BCR: variants seen among roughly 807,000 people sequenced by gnomAD.
The protein encoded by BCR is breakpoint cluster region protein.
In BCR, 58 loss-of-function variants were observed where a neutral mutation model predicts 138.6. The ratio of observed to expected loss-of-function variants is 0.42; its 90% CI spans 0.34 to 0.52. The LOEUF is 0.52. Ranked by LOEUF, BCR falls within the 20% of genes least tolerant of loss-of-function variation. The pLI is 0.06. For synonymous variants in BCR, 786 were observed against 730.1 expected, an observed-to-expected ratio of 1.08 and a Z score of -1.23; for missense variants, 1,599 against 1,727.2, an observed-to-expected ratio of 0.93 and a Z score of 1.32.
intron 1 of BCR, among the ~76,000 whole-genome samples, chr22:23,196,788 G>A (rs972382900): frequency 6.6e-6 from 1 of 152,144 alleles, no homozygotes; most frequent in African/African-American, 2.4e-5. Flanking sequence ...CTGACAGGAG[G>A]TAGAGCTTAG....
In BCR at chr22:23,313,178, G is replaced by A. The variant is rs138978965; in HGVS notation, c.3457+157G>A. Among the ~76,000 whole-genome samples, 364 of 152,304 alleles carry A rather than the reference G, an allele frequency of 2.4e-3. 1 individual carries two copies. Among genetic ancestry groups the A allele is most frequent in the African/African-American group, 7.9e-3 (328 of 41,566 alleles). ...CCTCAAAAAGCAGGGGACCAGAACC[G>A]AGCCTGTCCTGGAAGGCCTTGCCCA... is the stretch of plus-strand genomic sequence containing the variant. On this transcript the variant is annotated intron_variant, in intron 20 of 22. Transcript: ENST00000305877.
chr22:23,278,207 G>T (rs557360156), intron 8 of BCR, among the ~76,000 whole-genome samples: 7 of 152,360 alleles, frequency 4.6e-5, no homozygotes, highest in Admixed American at 1.3e-4. Flanking sequence ...GGACGATCCA[G>T]TTTGGATGTT....
At chr22:23,185,077 G>T (rs2072322237) in intron 1 of BCR, among the ~76,000 whole-genome samples, 1 of 152,178 alleles carries the variant, frequency 6.6e-6, no homozygotes, top group Non-Finnish European at 1.5e-5. Flanking sequence ...CCCTGGGCAC[G>T]GTGACAAAGT....
Position 23,181,721 on chromosome 22 carries a change from G to T in BCR, c.761G>T (p.Arg254Leu), listed in dbSNP as rs757620674. The change falls in exon 1 of 23, where the codon CGC (arginine) becomes CTC (leucine). Residue 254 changes from arginine to leucine, a missense_variant. This residue lies in a region of BCR where 806 missense variants were observed against 635.0 expected (regional missense o/e 1.27). Transcript: ENST00000305877. ...TACGAGGACGCCGAGTTGAACCCCC[G>T]CTTCCTGAAGGACAACCTGATCGAC... ...GDYEDAELNP[R>L]FLKDNLIDAN... The T allele has an allele frequency of 3.7e-6, 6 of 1,603,794 alleles. No individual in the cohort carries two copies. Among genetic ancestry groups the T allele is most frequent in the Non-Finnish European group, 4.2e-6 (5 of 1,179,952 alleles).
chr22:23,250,182 C>T (rs1020283076), intron 1 of BCR, among the ~76,000 whole-genome samples: 9 of 152,208 alleles, frequency 5.9e-5, no homozygotes, highest in East Asian at 1.9e-4. Context: ...AATCTGACCC[C>T]GAAGTTCTTG....
In BCR at chr22:23,260,508, G is replaced by T. The variant is rs746438225; in HGVS notation, c.1462-442G>T. Among the ~76,000 whole-genome samples, 6 of 152,150 alleles carry T rather than the reference G, an allele frequency of 3.9e-5. No individual in the cohort carries two copies. In the South Asian group the frequency reaches 6.2e-4, roughly 16 times the overall value. ...CAGTCAGAGAATCCAGGTGAGGCGG[G>T]CCCCAGGTGAGCAGTGGGGAGTGGA... is the stretch of plus-strand genomic sequence containing the variant. On this transcript the variant is annotated intron_variant, in intron 2 of 22. Transcript: ENST00000305877.
chr22:23,221,131 A>G (rs1169236171), intron 1 of BCR, among the ~76,000 whole-genome samples: 1 of 152,202 alleles, frequency 6.6e-6, no homozygotes, highest in East Asian at 1.9e-4. Flanking sequence ...GCAATACTTC[A>G]TTCTTCCTAG....
intron 1 of BCR, among the ~76,000 whole-genome samples, chr22:23,248,543 T>C (rs2073182407): frequency 6.6e-6 from 1 of 152,130 alleles, no homozygotes; most frequent in Non-Finnish European, 1.5e-5. Flanking sequence ...CTATATTATT[T>C]TTATTTTTTG....
chr22:23,191,458 A>G (rs1439046922), intron 1 of BCR, among the ~76,000 whole-genome samples: 1 of 152,126 alleles, frequency 6.6e-6, no homozygotes, highest in Non-Finnish European at 1.5e-5. Context: ...TTAAAACAAC[A>G]ACAAACAAAC....
intron 8 of BCR, among the ~76,000 whole-genome samples, chr22:23,279,890 G>GA (rs1161563474): frequency 5.9e-5 from 9 of 152,346 alleles, no homozygotes; most frequent in Middle Eastern, 3.4e-3. Context: ...GGAGGCTGGA[G>GA]ATCCGGCAGG....
intron 1 of BCR, among the ~76,000 whole-genome samples, chr22:23,190,538 T>C (rs2072400566): frequency 6.6e-6 from 1 of 152,220 alleles, no homozygotes; most frequent in Non-Finnish European, 1.5e-5. Context: ...CTGCTTTAAC[T>C]TAATCAGTTC....
At chr22:23,214,072 C>T (rs762570358) in intron 1 of BCR, among the ~76,000 whole-genome samples, 2 of 152,154 alleles carry the variant, frequency 1.3e-5, no homozygotes, top group Non-Finnish European at 2.9e-5. Flanking sequence ...AAGCACCTAG[C>T]GTGGCTGCTG....
intron 1 of BCR, among the ~76,000 whole-genome samples, chr22:23,216,408 A>G (rs182804573): frequency 5.4e-4 from 83 of 152,350 alleles, no homozygotes; most frequent in Admixed American, 1.1e-3. Context: ...CATTGTATTC[A>G]TAACAGTGGA....
chr22:23,201,984 A>G (rs1478401994), intron 1 of BCR, among the ~76,000 whole-genome samples: 3 of 152,222 alleles, frequency 2.0e-5, no homozygotes, highest in African/African-American at 7.2e-5. Flanking sequence ...TTATATAGTT[A>G]AGATGTTGCT....
chr22:23,307,025 C>T (rs1413727228), intron 16 of BCR, among the ~76,000 whole-genome samples: 7 of 152,174 alleles, frequency 4.6e-5, no homozygotes. Flanking sequence ...GGGAGAGGGG[C>T]CCAGTGATGG....
At chr22:23,209,516 G>A (rs78674950) in intron 1 of BCR, among the ~76,000 whole-genome samples, 10,315 of 151,954 alleles carry the variant, frequency 0.068, 1,174 homozygotes, top group African/African-American at 0.23. Flanking sequence ...TACAAATTTC[G>A]TGGCTTGTTT....
Position 23,309,441 on chromosome 22 carries a change from G to A in BCR, c.3030G>A (p.Leu1010=), listed in dbSNP as rs747140851. The A allele has an allele frequency of 2.2e-5, 35 of 1,603,694 alleles. No homozygotes were observed. The highest frequency in any genetic ancestry group is 2.6e-5 in the Non-Finnish European group (31 of 1,175,000). ...KGQVQLDPQA[L]QDRDWQRTVI... is the part of the protein sequence containing the mutation. ...CCTTTCAGCTGGACCCGCAGGCCCT[G>A]CAGGACAGAGACTGGCAGCGCACCG... The change falls in exon 17 of 23, where the codon CTG becomes CTA. Residue 1010 remains leucine (L), a synonymous_variant. Transcript: ENST00000305877.
chr22:23,226,993 G>C (rs763844102), intron 1 of BCR, among the ~76,000 whole-genome samples: 1 of 152,192 alleles, frequency 6.6e-6, no homozygotes, highest in African/African-American at 2.4e-5. Flanking sequence ...TGACCTGGAG[G>C]TGTCTGGAGC....
chr22:23,280,733 G>T (rs1035293851), intron 8 of BCR, among the ~76,000 whole-genome samples: 6 of 152,230 alleles, frequency 3.9e-5, no homozygotes, highest in African/African-American at 7.2e-5. Flanking sequence ...CTCCTGTGGG[G>T]ATGATGATTT....
Sources: allele counts gnomAD v4.1 joint callset (sites outside exome capture counted in the v4.1 genomes callset), GRCh38; gene constraint gnomAD v4.1.1; regional missense constraint gnomAD v4.1.1; transcripts MANE v1.5; gene names NCBI Gene and HGNC (gene_info 2026-07-23, HGNC 2026-07-21).